Variants in UGT2B4 observed in about 807,000 individuals in gnomAD.
The protein encoded by UGT2B4 is UDP glucuronosyltransferase family 2 member B4.
Under a neutral mutation model 49.8 loss-of-function variants are expected in UGT2B4, and 49 were observed. The ratio of observed to expected loss-of-function variants is 0.98; its 90% CI spans 0.78 to 1.25. UGT2B4 has a LOEUF of 1.25. UGT2B4 is among the 50% of genes most tolerant of loss of function. The pLI, the probability that UGT2B4 is intolerant of heterozygous loss-of-function variation, is 0.00. For synonymous variants in UGT2B4, 246 were observed against 217.7 expected (o/e 1.13, Z -1.14); for missense variants, 729 against 627.7 (o/e 1.16, Z -1.73).
At chr4:69,499,185 C>G (rs2109818056), upstream of UGT2B4, among the ~76,000 whole-genome samples, 1 of 152,268 alleles carries the variant, frequency 6.6e-6, no homozygotes, top group African/African-American at 2.4e-5. Context: ...AAGTGAGTTT[C>G]TTAATCTTAG....
upstream of UGT2B4, among the ~76,000 whole-genome samples, chr4:69,497,916 A>G (rs1728207680): frequency 6.6e-6 from 1 of 152,218 alleles, no homozygotes; most frequent in Admixed American, 6.5e-5. Context: ...TTGTTTTCTT[A>G]CCCTTAAGAA....
chr4:69,486,471 G>A (rs1391872785), intron 4 of UGT2B4, 138 bp downstream of exon 4: 3 of 521,536 alleles, frequency 5.8e-6, no homozygotes, highest in Non-Finnish European at 9.3e-6. Flanking sequence ...CCCGGGACTG[G>A]AAAATAAATA....
At position 69,485,213 on chromosome 4, in the gene UGT2B4, A is replaced by T. The variant is rs768821538; in HGVS notation, c.1305T>A (p.Asp435Glu). The change falls in exon 5 of 6, where the codon GAT becomes GAA. Residue 435 changes from aspartate (D) to glutamate (E), a missense_variant. Coordinates refer to ENST00000305107, the MANE Select transcript of UGT2B4 (RefSeq NM_021139.3). ...LLNALKTVINDPLYKENAMKL... is the reference protein window; with the variant it reads ...LLNALKTVINEPLYKENAMKL... ...AAAAAAAAAGTTATACTCACAAAGGATCATTAATTACTGTCTTCAGTGCAT... is the reference window on the plus strand; with the variant it reads ...AAAAAAAAAGTTATACTCACAAAGGTTCATTAATTACTGTCTTCAGTGCAT... 4.3e-6 allele frequency: 7 copies of T among 1,613,962 alleles called. No homozygotes were observed. In the Admixed American group the frequency reaches 5.0e-5, roughly 12 times the overall value.
At chr4:69,485,551 A>G in intron 4 of UGT2B4, 124 bp from the exon 5 acceptor site, 1 of 1,367,780 alleles carries the variant, frequency 7.3e-7, no homozygotes, top group Non-Finnish European at 1.0e-6. Context: ...ATTGTTTTTG[A>G]GACTTCAGAG....
At chr4:69,514,472 C>T (rs1216328951) in intron 1 of UGT2B4, among the ~76,000 whole-genome samples, 2 of 152,152 alleles carry the variant, frequency 1.3e-5, no homozygotes, top group East Asian at 3.8e-4. Flanking sequence ...CCCTGATTGT[C>T]ATGGGCAGAA....
At position 69,480,526 on chromosome 4, in the gene UGT2B4, T is replaced by C. The variant is rs778681610; in HGVS notation, c.*108A>G. Reference sequence around the variant, plus strand: ...ACTTGACAAGGTAAGTTTTGAAAGATGTTTTGTCACAAGAAGAAAGGAATC... The same window carrying C: ...ACTTGACAAGGTAAGTTTTGAAAGACGTTTTGTCACAAGAAGAAAGGAATC... On this transcript the variant is annotated 3_prime_UTR_variant, in exon 6 of 6. Coordinates refer to ENST00000305107, the MANE Select transcript of UGT2B4 (RefSeq NM_021139.3). 1.9e-5 allele frequency: 28 copies of C among 1,491,416 alleles called. No individual in the cohort carries two copies. Among genetic ancestry groups the C allele is most frequent in the Non-Finnish European group, 2.2e-5 (25 of 1,114,852 alleles). The allele number at this position is 1,491,416 out of a possible 1,614,324, so 92.4% of individuals were successfully genotyped here. A position where few individuals can be genotyped will look rare whatever the true frequency, so the allele number is the denominator to read the frequency against.
At chr4:69,509,577 T>C (rs1728557213) in intron 1 of UGT2B4, among the ~76,000 whole-genome samples, 1 of 152,184 alleles carries the variant, frequency 6.6e-6, no homozygotes, top group Non-Finnish European at 1.5e-5. Context: ...CGGTTCAGAT[T>C]TTTCTGATGA....
chr4:69,501,928 C>G (rs549888870), intron 1 of UGT2B4, among the ~76,000 whole-genome samples: 1 of 152,042 alleles, frequency 6.6e-6, no homozygotes, highest in Non-Finnish European at 1.5e-5. Context: ...CTTCCTGACC[C>G]GAGGGTTGCA....
chr4:69,500,141 A>C (rs1728263105), upstream of UGT2B4, among the ~76,000 whole-genome samples: 1 of 152,208 alleles, frequency 6.6e-6, no homozygotes, highest in South Asian at 2.1e-4. Flanking sequence ...AAACTAACAC[A>C]GAATCAGACA....
intron 1 of UGT2B4, among the ~76,000 whole-genome samples, chr4:69,516,089 G>C (rs1386007881): frequency 6.6e-6 from 1 of 152,152 alleles, no homozygotes; most frequent in Non-Finnish European, 1.5e-5. Context: ...ATGAGAAAAT[G>C]TGGTGTTTGG....
chr4:69,520,923 A>G (rs1243415396), intron 1 of UGT2B4, among the ~76,000 whole-genome samples: 2 of 152,184 alleles, frequency 1.3e-5, no homozygotes. Flanking sequence ...TCAGTTGAAG[A>G]TGAAGGCTGC....
intron 1 of UGT2B4, among the ~76,000 whole-genome samples, chr4:69,519,673 T>C (rs1273818242): frequency 6.7e-6 from 1 of 150,274 alleles, no homozygotes. Flanking sequence ...AGGGTCTTCT[T>C]TGGGTGCACC....
chr4:69,517,234 C>T (rs546281404), intron 1 of UGT2B4, among the ~76,000 whole-genome samples: 5 of 151,948 alleles, frequency 3.3e-5, no homozygotes, highest in Admixed American at 1.3e-4. Context: ...GTTTAGCCCT[C>T]CCCCCCAAGA....
At position 69,495,379 on chromosome 4, in the gene UGT2B4, G is replaced by T. The variant is rs777267648; in HGVS notation, c.483C>A (p.Ala161=). 6.2e-7 allele frequency: 1 copy of T among 1,613,722 alleles called. No homozygotes were observed. The highest frequency in any genetic ancestry group is 1.3e-5 in the African/African-American group (1 of 74,890). ...DAVFPFGELL[A]ELLKIPFVYS... ...AGACAAAGGGTATTTTAAGTAACTCGGCCAGCAGCTCACCAAAGGGGAAAA... is the reference window on the plus strand; with the variant it reads ...AGACAAAGGGTATTTTAAGTAACTCTGCCAGCAGCTCACCAAAGGGGAAAA... The change falls in exon 1 of 6, where the codon GCC becomes GCA. Residue 161 remains alanine, a synonymous_variant. Coordinates refer to ENST00000305107, the MANE Select transcript of UGT2B4 (RefSeq NM_021139.3).
chr4:69,481,038 A>G, intron 5 of UGT2B4, 128 bp from the exon 6 acceptor site: 2 of 863,066 alleles, frequency 2.3e-6, no homozygotes, highest in African/African-American at 1.8e-5. Flanking sequence ...GGAGATCAAG[A>G]CCATCCTGGC....
chr4:69,489,405 T>C (rs780582251), intron 3 of UGT2B4, 34 bp downstream of exon 3: 32 of 1,603,234 alleles, frequency 2.0e-5, no homozygotes, highest in Admixed American at 5.0e-5. Context: ...CCTCTTTCAG[T>C]AGTTTTTTAC....
chr4:69,500,080 A>T (rs1381742208), upstream of UGT2B4, among the ~76,000 whole-genome samples: 6 of 152,226 alleles, frequency 3.9e-5, no homozygotes, highest in Admixed American at 2.6e-4. Context: ...CAAGAATGAG[A>T]TCATGTCCAT....
intron 3 of UGT2B4, among the ~76,000 whole-genome samples, chr4:69,487,536 A>T (rs954301498): frequency 1.3e-5 from 2 of 152,172 alleles, no homozygotes; most frequent in Non-Finnish European, 2.9e-5. Context: ...AGTGGAAGCT[A>T]AAACATGAGA....
intron 1 of UGT2B4, among the ~76,000 whole-genome samples, chr4:69,514,616 T>C (rs1349425913): frequency 6.6e-6 from 1 of 152,210 alleles, no homozygotes; most frequent in African/African-American, 2.4e-5. Context: ...TGTCTCTTGT[T>C]ATTTTGAGAT....
Sources: gnomAD v4.1 joint callset for allele counts (sites outside exome capture counted in the v4.1 genomes callset) on GRCh38, gnomAD v4.1.1 for gene constraint, MANE v1.5 for transcripts, NCBI Gene and HGNC (gene_info 2026-07-23, HGNC 2026-07-21) for gene names.